FANCD2: variants seen among roughly 807,000 people sequenced by gnomAD.
FANCD2 encodes the protein FA complementation group D2.
FANCD2 carries 131 observed loss-of-function variants against 192.3 expected under a neutral mutation model. That is an observed-to-expected ratio of 0.68 (90% CI 0.59 to 0.79). The LOEUF is 0.79. Among genes scored for constraint, FANCD2 ranks in the 30% least tolerant of loss-of-function variants. The pLI, the probability that FANCD2 is intolerant of heterozygous loss-of-function variation, is 0.00. For synonymous variants in FANCD2, 524 were observed against 612.5 expected, an observed-to-expected ratio of 0.86 and a Z score of 2.13; for missense variants, 1,508 against 1,701.6, an observed-to-expected ratio of 0.89 and a Z score of 2.00.
chr3:10,096,593 T>G (rs1394752948), intron 42 of FANCD2, 121 bp downstream of exon 42: 1 of 901,772 alleles, frequency 1.1e-6, no homozygotes, highest in Non-Finnish European at 1.8e-6. Context: ...TTCTCTTAAG[T>G]CTGTGACTGT....
chr3:10,057,339 A>ATCTATT (rs2087442018), intron 18 of FANCD2, among the ~76,000 whole-genome samples: 1 of 150,876 alleles, frequency 6.6e-6, no homozygotes, highest in Non-Finnish European at 1.5e-5. Flanking sequence ...AGTCAAATTT[A>ATCTATT]TCTATTTCTT....
At chr3:10,040,426 C>T (rs2086837397) in intron 9 of FANCD2, 6 of 452,410 alleles carry the variant, frequency 1.3e-5, no homozygotes, top group Non-Finnish European at 2.2e-5. Flanking sequence ...GAGAAGTTGA[C>T]CATGATCCCT....
At chr3:10,047,286 T>A (rs1575758442) in intron 15 of FANCD2, among the ~76,000 whole-genome samples, 1 of 152,302 alleles carries the variant, frequency 6.6e-6, no homozygotes, top group Non-Finnish European at 1.5e-5. Flanking sequence ...CAATTATACA[T>A]GTTTTGGGCT....
At position 10,075,825 on chromosome 3, in the gene FANCD2, G is replaced by A. The variant is rs1693507371; in HGVS notation, c.2859+1152G>A. 2.0e-5 allele frequency among the ~76,000 whole-genome samples: 3 copies of A among 146,642 alleles called. No individual in the cohort carries two copies. The South Asian group carries it at 6.4e-4, about 31-fold the overall frequency. ...GGCTCACTGCAAGCTCCGCCTCCCG[G>A]GTTCACACCATTATCCTGCCTCAGC... On this transcript the variant is annotated intron_variant, in intron 29 of 43. Transcript: ENST00000675286.
intron 2 of FANCD2, among the ~76,000 whole-genome samples, chr3:10,031,249 A>G (rs1454499573): frequency 2.0e-5 from 3 of 152,152 alleles, no homozygotes; most frequent in South Asian, 2.1e-4. Context: ...CACGCCTGTA[A>G]TCCCAGCACT....
At chr3:10,056,208 T>A (rs1376338473) in intron 18 of FANCD2, among the ~76,000 whole-genome samples, 4 of 152,218 alleles carry the variant, frequency 2.6e-5, no homozygotes, top group African/African-American at 4.8e-5. Context: ...ACATTTTGTT[T>A]ATCCATTCAT....
intron 34 of FANCD2, among the ~76,000 whole-genome samples, chr3:10,087,898 C>T (rs1206552515): frequency 1.3e-5 from 2 of 152,284 alleles, no homozygotes; most frequent in East Asian, 3.9e-4. Context: ...CCACCTGCCT[C>T]AGCCTCCCAA....
chr3:10,086,590 T>C (rs572858633), intron 33 of FANCD2, among the ~76,000 whole-genome samples: 4 of 152,136 alleles, frequency 2.6e-5, no homozygotes, highest in African/African-American at 9.7e-5. Flanking sequence ...CAAGTGATTG[T>C]ACTGCCTCAG....
chr3:10,070,654 C>T (rs954930980), intron 26 of FANCD2, among the ~76,000 whole-genome samples: 22 of 144,350 alleles, frequency 1.5e-4, no homozygotes, highest in Non-Finnish European at 2.9e-4. Context: ...GAGAACAGGC[C>T]GGGATGACAA....
intron 43 of FANCD2, 41 bp from the exon 44 acceptor site, chr3:10,101,147 A>G (rs769468648): frequency 7.0e-7 from 1 of 1,429,932 alleles, no homozygotes; most frequent in Non-Finnish European, 9.9e-7. Flanking sequence ...CACCCAGAGC[A>G]GTAACCTAAA....
chr3:10,027,077 C>T (rs1575720798), intron 1 of FANCD2, among the ~76,000 whole-genome samples: 1 of 152,178 alleles, frequency 6.6e-6, no homozygotes, highest in Admixed American at 6.5e-5. Flanking sequence ...ATATAAAGCA[C>T]TTGAAACAGT....
Position 10,032,843 on chromosome 3 carries a change from C to G in FANCD2, c.76C>G (p.Gln26Glu). 1.2e-6 allele frequency: 2 copies of G among 1,612,914 alleles called. No homozygotes were observed. The highest frequency in any genetic ancestry group is 2.2e-5 in the South Asian group (2 of 90,790). ...LTEDASKTRK[Q>E]PLSKKTKKSH... is the part of the protein sequence containing the mutation. ...TTTTCTATTTTCAGAAACCAGGAAGCAACCACTTTCCAAAAAGACAAAGAA... is the reference window on the plus strand; with the variant it reads ...TTTTCTATTTTCAGAAACCAGGAAGGAACCACTTTCCAAAAAGACAAAGAA... Residue 26 changes from glutamine (Q) to glutamate (E), a missense_variant, in exon 3 of 44, where the codon CAA (glutamine) becomes GAA (glutamate). By Grantham distance (29) the Gln-to-Glu change is conservative. Transcript: ENST00000675286.
In FANCD2 at chr3:10,043,582, C is replaced by A. The variant is rs1181130778; in HGVS notation, c.1088C>A (p.Ala363Asp). The A allele has an allele frequency of 1.1e-5, 17 of 1,610,566 alleles. No individual in the cohort carries two copies. The highest frequency in any genetic ancestry group is 1.7e-5 in the Admixed American group (1 of 59,974). Residue 363 changes from alanine (A) to aspartate (D), a missense_variant, in exon 13 of 44, where the codon GCC becomes GAC. Ala to Asp is a moderately radical substitution (Grantham distance 126). Around this residue, in one of 5 missense-constraint regions of FANCD2, gnomAD observed 435 missense variants for 421.9 expected, o/e 1.03. Coordinates refer to ENST00000675286, the MANE Select transcript of FANCD2 (RefSeq NM_001018115.3). ...AIRYEKTISE[A>D]WIKAIENTAS... is the part of the protein sequence containing the mutation. ...AGATATGAGAAAACCATTTCAGAAG[C>A]CTGGATTAAGGTGAGATCTTTGGAA... is the stretch of plus-strand genomic sequence containing the variant.
At chr3:10,050,312 A>G (rs2087156670) in intron 17 of FANCD2, among the ~76,000 whole-genome samples, 1 of 152,158 alleles carries the variant, frequency 6.6e-6, no homozygotes, top group Non-Finnish European at 1.5e-5. Flanking sequence ...TAGAATTAAC[A>G]TGACTTGGTG....
At chr3:10,071,156 A>C (rs1481390917) in intron 26 of FANCD2, among the ~76,000 whole-genome samples, 5 of 151,998 alleles carry the variant, frequency 3.3e-5, no homozygotes, top group Non-Finnish European at 7.4e-5. Flanking sequence ...AGAAAAAAAA[A>C]AAAAGATGGC....
rs201719160 is a variant in FANCD2 at position 10,084,498 on chromosome 3, A to G, written c.3225-1314A>G. Among the ~76,000 whole-genome samples the G allele has an allele frequency of 1.9e-4, 28 of 149,622 alleles. No homozygotes were observed. The East Asian group carries it at 5.4e-3, about 29-fold the overall frequency. Reference sequence around the variant, plus strand: ...TCTTTGGTAGAGACGGGGTTTCGCCATGTTGCCCCCAGGCTGGTCTTGAAC... The same window carrying G: ...TCTTTGGTAGAGACGGGGTTTCGCCGTGTTGCCCCCAGGCTGGTCTTGAAC... On this transcript the variant is annotated intron_variant, in intron 32 of 43. Transcript: ENST00000675286.
intron 26 of FANCD2, among the ~76,000 whole-genome samples, chr3:10,069,062 A>G (rs1274186989): frequency 2.0e-5 from 3 of 152,224 alleles, no homozygotes; most frequent in Non-Finnish European, 2.9e-5. Flanking sequence ...AAACATTCAG[A>G]AAACTCTTCA....
intron 1 of FANCD2, among the ~76,000 whole-genome samples, chr3:10,028,091 A>C (rs1174756503): frequency 6.6e-6 from 1 of 151,964 alleles, no homozygotes; most frequent in Non-Finnish European, 1.5e-5. Context: ...TGTCCCTAAG[A>C]AATGGTCCTT....
chr3:10,033,174 G>A (rs563974522), intron 3 of FANCD2, among the ~76,000 whole-genome samples: 1 of 152,262 alleles, frequency 6.6e-6, no homozygotes, highest in Admixed American at 6.5e-5. Flanking sequence ...ACTTTGGGAG[G>A]CTCGAGGCAG....
Sources: gnomAD v4.1 joint callset for allele counts (sites outside exome capture counted in the v4.1 genomes callset) on GRCh38, gnomAD v4.1.1 for gene constraint, gnomAD v4.1.1 regional missense constraint, MANE v1.5 for transcripts, NCBI Gene and HGNC (gene_info 2026-07-23, HGNC 2026-07-21) for gene names.